Variants in TULP1 observed in about 807,000 individuals in gnomAD.
TULP1 encodes the protein TUB like protein 1, also known as tubby-related protein 1.
A neutral mutation model predicts 67.1 loss-of-function variants in TULP1; 50 were observed. The observed-to-expected ratio is 0.75, with a 90% CI of 0.59 to 0.94. The LOEUF (loss-of-function observed/expected upper bound fraction) is 0.94. Ranked by LOEUF, TULP1 falls within the 40% of genes least tolerant of loss-of-function variation. The pLI is 0.00. For synonymous variants in TULP1, 297 were observed against 294.0 expected, an observed-to-expected ratio of 1.01 and a Z score of -0.11; for missense variants, 746 against 734.1, an observed-to-expected ratio of 1.02 and a Z score of -0.19.
In TULP1 at chr6:35,506,065, TG is replaced by T; in HGVS notation, c.936del (p.Asp312GlufsTer59). The part of the protein sequence containing the change: ...GRTVRCRLTR[D>X]KKGMDRGMYP... ...TACATGCCTCGATCCATGCCCTTTTTGTCCCGGGTCAGCCGGCAGCGCACCG... is the reference window on the plus strand; with the variant it reads ...TACATGCCTCGATCCATGCCCTTTTTTCCCGGGTCAGCCGGCAGCGCACCG... On this transcript the variant is annotated frameshift_variant, in exon 10 of 15. Coordinates refer to ENST00000229771, the MANE Select transcript of TULP1 (RefSeq NM_003322.6). LOFTEE classifies it high-confidence loss of function. The T allele has an allele frequency of 6.2e-7, 1 of 1,613,836 alleles. No individual in the cohort carries two copies. Among genetic ancestry groups the T allele is most frequent in the African/African-American group, 1.3e-5 (1 of 75,056 alleles).
intron 4 of TULP1, 33 bp from the exon 5 acceptor site, chr6:35,511,043 G>A: frequency 6.2e-7 from 1 of 1,600,270 alleles, no homozygotes; most frequent in Non-Finnish European, 8.5e-7. Context: ...ATGGGGGTTT[G>A]AGCCGGGCCC....
In TULP1 at chr6:35,498,411, G is replaced by T; in HGVS notation, c.1545C>A (p.Thr515=). ...QFGRVAEDAF[T]LDYRYPLCAL... is the part of the protein sequence containing the mutation. ...CGCACAGCGGGTACCGGTAGTCTAG[G>T]GTGAAGGCGTCCTCCGCCACGCGGC... Residue 515 remains threonine (T), a synonymous_variant, in exon 15 of 15, where the codon ACC becomes ACA. Coordinates refer to ENST00000229771, the MANE Select transcript of TULP1 (RefSeq NM_003322.6). The surrounding 1 kb of genome is among the most constrained non-coding windows in gnomAD (Gnocchi z 6.7). The T allele has an allele frequency of 6.2e-7, 1 of 1,613,986 alleles. No individual in the cohort carries two copies. Among genetic ancestry groups the T allele is most frequent in the Non-Finnish European group, 8.5e-7 (1 of 1,180,022 alleles).
chr6:35,499,736 C>CT (rs1294090426), intron 14 of TULP1, among the ~76,000 whole-genome samples: 2 of 152,212 alleles, frequency 1.3e-5, no homozygotes, highest in Non-Finnish European at 2.9e-5. Flanking sequence ...ATCTAACCCA[C>CT]TGCTCTGGCC....
Position 35,506,060 on chromosome 6 carries a change from C to T in TULP1, c.942G>A (p.Lys314=). The T allele has an allele frequency of 1.9e-6, 3 of 1,613,858 alleles. No homozygotes were observed. The highest frequency in any genetic ancestry group is 2.5e-6 in the Non-Finnish European group (3 of 1,180,046). The change falls in exon 10 of 15, where the codon AAG becomes AAA. Residue 314 remains lysine, a synonymous_variant. Transcript: ENST00000229771. ...TVRCRLTRDK[K]GMDRGMYPSY... ...AGGGATACATGCCTCGATCCATGCC[C>T]TTTTTGTCCCGGGTCAGCCGGCAGC... is the stretch of plus-strand genomic sequence containing the variant.
In TULP1 at chr6:35,498,239, G is replaced by C; in HGVS notation, c.*88C>G. 2 of 1,550,150 alleles carry C rather than the reference G, an allele frequency of 1.3e-6. No homozygotes were observed. Among genetic ancestry groups the C allele is most frequent in the Non-Finnish European group, 1.7e-6 (2 of 1,152,186 alleles). ...CCCGACACAGGAGCAGTTTTCCGCG[G>C]GAGCTTTGCTGGAGGGACCCTGCCA... On this transcript the variant is annotated 3_prime_UTR_variant, in exon 15 of 15. Coordinates refer to ENST00000229771, the MANE Select transcript of TULP1 (RefSeq NM_003322.6). The surrounding 1 kb of genome is among the most constrained non-coding windows in gnomAD (Gnocchi z 6.7).
At chr6:35,511,581 T>G in intron 4 of TULP1, 67 bp downstream of exon 4, 1 of 1,556,608 alleles carries the variant, frequency 6.4e-7, no homozygotes, top group East Asian at 2.4e-5. Context: ...GCCGTTCCCG[T>G]CCAGCCAGCC....
chr6:35,499,942 T>G (rs1328600742), intron 14 of TULP1, 39 bp downstream of exon 14: 1 of 1,610,484 alleles, frequency 6.2e-7, no homozygotes, highest in East Asian at 2.2e-5. Context: ...ATCCTGGGGG[T>G]GGTGGAGAAG....
rs1761072256 is a variant in TULP1 at position 35,505,954 on chromosome 6, C to A, written c.999+49G>T. Reference sequence around the variant, plus strand: ...TCAGGCCCGTTTGTCCCGTGGCCCCCATGCCGGATCCCTCCACACTCCCTC... The same window carrying A: ...TCAGGCCCGTTTGTCCCGTGGCCCCAATGCCGGATCCCTCCACACTCCCTC... On this transcript the variant is annotated intron_variant, in intron 10 of 14. Coordinates refer to ENST00000229771, the MANE Select transcript of TULP1 (RefSeq NM_003322.6). The A allele has an allele frequency of 2.5e-6, 4 of 1,614,028 alleles. No individual in the cohort carries two copies. In the Admixed American group the frequency reaches 5.0e-5, roughly 20 times the overall value.
intron 14 of TULP1, among the ~76,000 whole-genome samples, chr6:35,499,365 T>TCTAC (rs1286149967): frequency 3.3e-5 from 5 of 152,216 alleles, no homozygotes; most frequent in Non-Finnish European, 5.9e-5. Context: ...GACTGTCAGC[T>TCTAC]CTACCTCCTA....
intron 14 of TULP1, among the ~76,000 whole-genome samples, chr6:35,499,475 A>G (rs572913522): frequency 2.6e-5 from 4 of 152,302 alleles, no homozygotes; most frequent in Non-Finnish European, 4.4e-5. Context: ...CGTTGAAGGG[A>G]TTTAATGATT....
At chr6:35,509,106 A>C in intron 8 of TULP1, 103 bp downstream of exon 8, 1 of 997,158 alleles carries the variant, frequency 1.0e-6, no homozygotes, top group Non-Finnish European at 1.6e-6. Flanking sequence ...CCAAGGTTCT[A>C]ACCTCAAGTG....
At position 35,511,796 on chromosome 6, in the gene TULP1, CG is replaced by C; in HGVS notation, c.200del (p.Thr67ArgfsTer42). ...GGGAAGGCTCCTCCCGCGGCCTCCCCGTCCGCCCAGCTGAGCCGAGATGCGG... is the reference window on the plus strand; with the variant it reads ...GGGAAGGCTCCTCCCGCGGCCTCCCCTCCGCCCAGCTGAGCCGAGATGCGG... ...SKPRKPGAGR[T>X]GRPREEPSPD... On this transcript the variant is annotated frameshift_variant, in exon 4 of 15. Transcript: ENST00000229771. LOFTEE classifies it high-confidence loss of function. 1 of 1,561,992 alleles carries C rather than the reference CG, an allele frequency of 6.4e-7. No individual in the cohort carries two copies. The highest frequency in any genetic ancestry group is 8.7e-7 in the Non-Finnish European group (1 of 1,153,390).
intron 11 of TULP1, among the ~76,000 whole-genome samples, chr6:35,504,717 G>A (rs898809288): frequency 5.3e-5 from 8 of 151,268 alleles, no homozygotes; most frequent in Non-Finnish European, 1.2e-4. Flanking sequence ...CTGCCAGCAC[G>A]CTGGGCTAAT....
rs776408837 is a variant in TULP1 at position 35,511,698 on chromosome 6, C to T, written c.299G>A (p.Arg100His). Residue 100 changes from arginine to histidine, a missense_variant, in exon 4 of 15, where the codon CGC (arginine) becomes CAC (histidine). Physicochemically the swap from Arg to His is conservative, Grantham distance 29. This residue lies in a region of TULP1 where 359 missense variants were observed against 341.9 expected (regional missense o/e 1.05). Transcript: ENST00000229771. ...RFLRDPEAKK[R>H]DPRETFLVAR... ...TACCAGAAAGGTTTCCCGGGGGTCGCGCTTCTTGGCCTCGGGGTCCCTGAG... is the reference window on the plus strand; with the variant it reads ...TACCAGAAAGGTTTCCCGGGGGTCGTGCTTCTTGGCCTCGGGGTCCCTGAG... 3 of 1,593,478 alleles carry T rather than the reference C, an allele frequency of 1.9e-6. No individual in the cohort carries two copies. Among genetic ancestry groups the T allele is most frequent in the Middle Eastern group, 1.7e-4 (1 of 6,030 alleles).
In TULP1 at chr6:35,506,017, C is replaced by G; in HGVS notation, c.985G>C (p.Asp329His). 6.2e-7 allele frequency: 1 copy of G among 1,614,104 alleles called. No individual in the cohort carries two copies. Among genetic ancestry groups the G allele is most frequent in the South Asian group, 1.1e-5 (1 of 91,088 alleles). ...TCCCCACCCACCTTCTTCTCCGTGT[C>G]CAGGTGCAGGAAGTAGGAGGGATAC... ...GMYPSYFLHL[D>H]TEKKVFLLAG... Residue 329 changes from aspartate to histidine, a missense_variant, in exon 10 of 15, where the codon GAC (aspartate) becomes CAC (histidine). Around this residue, in one of 3 missense-constraint regions of TULP1, gnomAD observed 383 missense variants for 374.1 expected, o/e 1.02. Coordinates refer to ENST00000229771, the MANE Select transcript of TULP1 (RefSeq NM_003322.6).
chr6:35,506,338 G>A (rs1242436583), intron 8 of TULP1, 59 bp from the exon 9 acceptor site: 3 of 1,547,620 alleles, frequency 1.9e-6, no homozygotes, highest in Non-Finnish European at 2.6e-6. Flanking sequence ...CTGGAGGCGG[G>A]GAAGCCACTG....
intron 13 of TULP1, among the ~76,000 whole-genome samples, chr6:35,501,509 GAA>G (rs67875217): frequency 1.1e-5 from 1 of 88,778 alleles, no homozygotes; most frequent in Non-Finnish European, 2.0e-5. Flanking sequence ...CTCGGTCTCA[GAA>G]AAAAAAAAAA....
Position 35,511,039 on chromosome 6 carries a change from G to A in TULP1, c.350-29C>T, listed in dbSNP as rs2273002. On this transcript the variant is annotated intron_variant, in intron 4 of 14. Transcript: ENST00000229771. ...CAGGTAGAAACTCTTCATAATGGGG[G>A]TTTGAGCCGGGCCCTCCTTATCTGG... 3.4e-3 allele frequency: 5,461 copies of A among 1,600,580 alleles called. 137 individuals are homozygous for A. The East Asian group carries it at 0.057, about 17-fold the overall frequency.
At position 35,509,195 on chromosome 6, in the gene TULP1, CT is replaced by C. The variant is rs768626535; in HGVS notation, c.822+13del. The C allele has an allele frequency of 9.9e-6, 16 of 1,612,746 alleles. No individual in the cohort carries two copies. Among genetic ancestry groups the C allele is most frequent in the Non-Finnish European group, 1.4e-5 (16 of 1,178,812 alleles). The stretch of plus-strand genomic sequence containing the variant: ...CTGAAGGGACCTCAGCCCCCTGCCC[CT>C]CTGGGCCCCAACCTTTTTGCCTTTT... On this transcript the variant is annotated intron_variant, in intron 8 of 14. Transcript: ENST00000229771.
Sources: allele counts gnomAD v4.1 joint callset (sites outside exome capture counted in the v4.1 genomes callset), GRCh38; gene constraint gnomAD v4.1.1; regional missense constraint gnomAD v4.1.1; non-coding constraint Gnocchi (gnomAD v3.1); transcripts MANE v1.5; gene names NCBI Gene and HGNC (gene_info 2026-07-23, HGNC 2026-07-21).